The following AUTS2 variants were observed in gnomAD, a reference collection of about 807,000 sequenced individuals.
The protein encoded by AUTS2 is autism susceptibility gene 2 protein.
AUTS2 carries 17 observed loss-of-function variants against 112.4 expected under a neutral mutation model. The ratio of observed to expected loss-of-function variants is 0.15; its 90% CI spans 0.10 to 0.23. The LOEUF (loss-of-function observed/expected upper bound fraction) is 0.23. Among genes scored for constraint, AUTS2 ranks in the 10% least tolerant of loss-of-function variants. The pLI is 1.00. For missense variants in AUTS2, 1,510 were observed against 1,701.6 expected (o/e 0.89, Z 1.98); for synonymous variants, 751 against 702.7 (o/e 1.07, Z -1.09).
intron 4 of AUTS2, among the ~76,000 whole-genome samples, chr7:70,303,248 T>G (rs754648473): frequency 2.0e-5 from 3 of 151,962 alleles, no homozygotes; most frequent in Non-Finnish European, 2.9e-5. Context: ...TCGGAAATAA[T>G]AGGGGGTGAC....
intron 4 of AUTS2, among the ~76,000 whole-genome samples, chr7:70,162,723 A>G (rs1808157442): frequency 6.6e-6 from 1 of 152,132 alleles, no homozygotes; most frequent in Admixed American, 6.5e-5. Context: ...ATGATGCCCC[A>G]TTATTATAAA....
intron 2 of AUTS2, among the ~76,000 whole-genome samples, chr7:70,005,626 G>C (rs745932977): frequency 3.0e-4 from 45 of 152,186 alleles, no homozygotes; most frequent in Non-Finnish European, 4.7e-4. Flanking sequence ...AGTTTGGGAG[G>C]TGTACGGGAA....
intron 5 of AUTS2, among the ~76,000 whole-genome samples, chr7:70,503,360 G>T (rs1798839396): frequency 6.6e-6 from 1 of 151,920 alleles, no homozygotes. Flanking sequence ...TCAGTAAACT[G>T]TGATGTGTGC....
chr7:69,709,966 C>T (rs1004532525), intron 1 of AUTS2, among the ~76,000 whole-genome samples: 9 of 152,126 alleles, frequency 5.9e-5, no homozygotes, highest in African/African-American at 2.2e-4. Context: ...TACCAAGTCA[C>T]TTAAATAAAT....
At chr7:70,331,516 A>AAT (rs1554369178) in intron 4 of AUTS2, among the ~76,000 whole-genome samples, 27 of 140,784 alleles carry the variant, frequency 1.9e-4, no homozygotes, top group African/African-American at 6.5e-4. Context: ...GGACTCATTG[A>AAT]TTTTTTTTTT....
At chr7:70,458,892 T>A (rs1796853248) in intron 5 of AUTS2, among the ~76,000 whole-genome samples, 1 of 152,216 alleles carries the variant, frequency 6.6e-6, no homozygotes, top group Admixed American at 6.5e-5. Context: ...AGCTGCTCCA[T>A]CCACACGGGA....
At chr7:69,707,345 A>G (rs921753448) in intron 1 of AUTS2, among the ~76,000 whole-genome samples, 4 of 152,200 alleles carry the variant, frequency 2.6e-5, no homozygotes, top group African/African-American at 7.2e-5. Context: ...GTTTGTGACT[A>G]TTGCTAGAGG....
intron 1 of AUTS2, among the ~76,000 whole-genome samples, chr7:69,776,074 T>C (rs1193247337): frequency 1.3e-5 from 2 of 152,168 alleles, no homozygotes; most frequent in African/African-American, 4.8e-5. Context: ...TTTGTTTCTA[T>C]TGGTTGTTTT....
intron 1 of AUTS2, among the ~76,000 whole-genome samples, chr7:69,809,583 G>A (rs1790457250): frequency 6.6e-6 from 1 of 152,062 alleles, no homozygotes; most frequent in South Asian, 2.1e-4. Flanking sequence ...TCAGAACCTG[G>A]GGGCTCACAT....
In AUTS2 at chr7:69,954,416, G is replaced by A. The variant is rs182893026; in HGVS notation, c.522+54918G>A. The stretch of plus-strand genomic sequence containing the variant: ...GCCATCTCAGCCTCCCAAGTAGTTA[G>A]GACTACAGGTATATACCGCCATGCC... On this transcript the variant is annotated intron_variant, in intron 2 of 18. Coordinates refer to ENST00000342771, the MANE Select transcript of AUTS2 (RefSeq NM_015570.4). Among the ~76,000 whole-genome samples the A allele has an allele frequency of 5.9e-5, 9 of 152,226 alleles. No individual in the cohort carries two copies. In the East Asian group the frequency reaches 1.7e-3, roughly 29 times the overall value.
At chr7:70,702,412 C>G (rs891089529) in intron 6 of AUTS2, among the ~76,000 whole-genome samples, 1 of 152,324 alleles carries the variant, frequency 6.6e-6, no homozygotes, top group East Asian at 1.9e-4. Flanking sequence ...GATGACAAGT[C>G]AAGACAACTC....
At chr7:69,807,365 C>T (rs1790353968) in intron 1 of AUTS2, among the ~76,000 whole-genome samples, 1 of 152,112 alleles carries the variant, frequency 6.6e-6, no homozygotes, top group Admixed American at 6.5e-5. Context: ...ACAAAACTTA[C>T]CATCTTAAAA....
At chr7:69,743,294 T>C (rs1049187589) in intron 1 of AUTS2, among the ~76,000 whole-genome samples, 7 of 152,188 alleles carry the variant, frequency 4.6e-5, no homozygotes, top group African/African-American at 1.7e-4. Flanking sequence ...ACACAGAGGA[T>C]GTGCTTAGTA....
At chr7:70,171,907 G>C (rs1009966269) in intron 4 of AUTS2, among the ~76,000 whole-genome samples, 4 of 150,266 alleles carry the variant, frequency 2.7e-5, no homozygotes, top group South Asian at 2.1e-4. Context: ...TTTTTTTTTG[G>C]GGGGGGGTAG....
intron 5 of AUTS2, among the ~76,000 whole-genome samples, chr7:70,492,496 C>A (rs1391437041): frequency 6.6e-6 from 1 of 152,204 alleles, no homozygotes; most frequent in African/African-American, 2.4e-5. Flanking sequence ...TCAGAACATT[C>A]TCACATGCAT....
intron 4 of AUTS2, among the ~76,000 whole-genome samples, chr7:70,409,116 G>A (rs909366921): frequency 6.6e-6 from 1 of 152,126 alleles, no homozygotes; most frequent in Non-Finnish European, 1.5e-5. Context: ...ACCACCTTAT[G>A]GCACTACTTT....
intron 5 of AUTS2, among the ~76,000 whole-genome samples, chr7:70,569,627 C>T (rs563883744): frequency 6.6e-6 from 1 of 152,328 alleles, no homozygotes; most frequent in East Asian, 1.9e-4. Flanking sequence ...AAGGTCTAGG[C>T]CTTGGCCTCT....
chr7:69,906,813 A>G (rs1455728332), intron 2 of AUTS2, among the ~76,000 whole-genome samples: 1 of 152,192 alleles, frequency 6.6e-6, no homozygotes, highest in African/African-American at 2.4e-5. Flanking sequence ...AGGGTCAAAC[A>G]TACAGTTATT....
At chr7:69,619,505 A>G (rs771373022) in intron 1 of AUTS2, among the ~76,000 whole-genome samples, 2 of 152,152 alleles carry the variant, frequency 1.3e-5, no homozygotes, top group African/African-American at 4.8e-5. Context: ...TCACAGGTTT[A>G]TCAGTGAAAT....
Sources: gnomAD v4.1 joint callset for allele counts (sites outside exome capture counted in the v4.1 genomes callset) on GRCh38, gnomAD v4.1.1 for gene constraint, MANE v1.5 for transcripts, NCBI Gene and HGNC (gene_info 2026-07-23, HGNC 2026-07-21) for gene names.